The following DMTN variants were observed in gnomAD, a reference collection of about 807,000 sequenced individuals.
The protein encoded by DMTN is dematin actin binding protein, also known as dematin.
A neutral mutation model predicts 59.4 loss-of-function variants in DMTN; 27 were observed. The observed-to-expected ratio is 0.45, with a 90% CI of 0.33 to 0.63. The LOEUF is 0.63. Ranked by LOEUF, DMTN falls within the 20% of genes least tolerant of loss-of-function variation. The pLI, the probability that DMTN is intolerant of heterozygous loss-of-function variation, is 0.02. For missense variants in DMTN, 451 were observed against 528.9 expected (o/e 0.85, Z 1.45); for synonymous variants, 221 against 203.7 (o/e 1.08, Z -0.72).
intron 10 of DMTN, among the ~76,000 whole-genome samples, chr8:22,078,432 C>T (rs1215028791): frequency 2.0e-5 from 3 of 148,540 alleles, no homozygotes; most frequent in Non-Finnish European, 4.5e-5. Flanking sequence ...TGAATATATA[C>T]ATATATATGT....
chr8:22,049,035 C>A (rs1204331208), upstream of DMTN: 1 of 148,434 alleles, frequency 6.7e-6, no homozygotes, highest in Non-Finnish European at 1.5e-5. Context: ...GCGGCCCGTG[C>A]TACCTGTTGG....
rs1804334617 is a variant in DMTN, at chr8:22,058,980, C to T, written c.-172+1844C>T. 6.6e-6 allele frequency among the ~76,000 whole-genome samples: 1 copy of T among 152,174 alleles called. No homozygotes were observed. The highest frequency in any genetic ancestry group is 2.4e-5 in the African/African-American group (1 of 41,434). ...CCACATCACACGCATGCACAGCACC[C>T]ATGGGAGCGCCTGGCCCCTGCCCTG... On this transcript the variant is annotated intron_variant, in intron 1 of 15. Coordinates refer to ENST00000358242, the MANE Select transcript of DMTN (RefSeq NM_001387751.1). This position sits in a 1 kb window ranked among gnomAD's most constrained non-coding sequence, Gnocchi z 4.3.
At chr8:22,069,571 A>T in intron 6 of DMTN, 53 bp downstream of exon 6, 3 of 1,454,804 alleles carry the variant, frequency 2.1e-6, no homozygotes, top group South Asian at 2.6e-5. Flanking sequence ...TCCATCAGGA[A>T]CCCCAATCCC....
rs7001965 is a variant in DMTN, at chr8:22,080,070, G to C, written c.836-110G>C. ...AGAAGCCCACCAGGTTCCCCCCAGC[G>C]TGATCCCTTCCTGCCCTGCCCCAGC... On this transcript the variant is annotated intron_variant, in intron 10 of 15. Transcript: ENST00000358242. 12 of 1,279,320 alleles carry C rather than the reference G, an allele frequency of 9.4e-6. No homozygotes were observed. In the African/African-American group the frequency reaches 1.3e-4, roughly 14 times the overall value. The allele number at this position is 1,279,320 out of a possible 1,614,324, so 79.2% of individuals were successfully genotyped here.
At position 22,060,116 on chromosome 8, in the gene DMTN, C is replaced by G. The variant is rs1436827429; in HGVS notation, c.-172+2980C>G. Among the ~76,000 whole-genome samples the G allele has an allele frequency of 6.6e-6, 1 of 152,172 alleles. No homozygotes were observed. The highest frequency in any genetic ancestry group is 1.5e-5 in the Non-Finnish European group (1 of 68,026). ...GGCAGCTGAGCTGTCCCTTCCGTCACCTGGACCTGCCTTCCTCTGTGGTGC... is the reference window on the plus strand; with the variant it reads ...GGCAGCTGAGCTGTCCCTTCCGTCAGCTGGACCTGCCTTCCTCTGTGGTGC... On this transcript the variant is annotated intron_variant, in intron 1 of 15. Coordinates refer to ENST00000358242, the MANE Select transcript of DMTN (RefSeq NM_001387751.1). This position sits in a 1 kb window ranked among gnomAD's most constrained non-coding sequence, Gnocchi z 5.0.
At position 22,069,508 on chromosome 8, in the gene DMTN, C is replaced by T. The variant is rs141336563; in HGVS notation, c.384C>T (p.Phe128=). ...TGTPRTSLPH[F]HHPETSRPDS... is the part of the protein sequence containing the mutation. ...CCCCCCGGACCAGCCTGCCCCATTT[C>T]CACCACCCTGGTAGGTCTTCTCGGC... The change falls in exon 6 of 16, where the codon TTC becomes TTT. Residue 128 remains phenylalanine (F), a synonymous_variant. Transcript: ENST00000358242. The T allele has an allele frequency of 1.9e-6, 3 of 1,598,192 alleles. No homozygotes were observed. The highest frequency in any genetic ancestry group is 1.4e-5 in the African/African-American group (1 of 73,956).
chr8:22,073,890 C>T, intron 10 of DMTN, 55 bp downstream of exon 10: 1 of 1,445,532 alleles, frequency 6.9e-7, no homozygotes, highest in Non-Finnish European at 9.7e-7. Flanking sequence ...AGGCCTGACT[C>T]TGTGCATCTG....
At position 22,080,821 on chromosome 8, in the gene DMTN, G is replaced by A. The variant is rs377270683; in HGVS notation, c.974G>A (p.Arg325Lys). The A allele has an allele frequency of 6.2e-6, 10 of 1,601,988 alleles. No individual in the cohort carries two copies. The African/African-American group carries it at 9.4e-5, about 15-fold the overall frequency. The change falls in exon 14 of 16, where the codon AGG becomes AAG. Residue 325 changes from arginine (R) to lysine (K), a missense_variant. Physicochemically the swap from Arg to Lys is conservative, Grantham distance 26 (BLOSUM62 2). Transcript: ENST00000358242. ...SPGLQNGEGQ[R>K]GRMDRGNSLP... ...TCTCCCCAGAACGGAGAGGGCCAGA[G>A]GGGGAGGATGGACCGGGGGAACTCC...
Position 22,058,495 on chromosome 8 carries a change from A to G in DMTN, c.-172+1359A>G, listed in dbSNP as rs1803985556. Among the ~76,000 whole-genome samples, 2 of 152,124 alleles carry G rather than the reference A, an allele frequency of 1.3e-5. No homozygotes were observed. The highest frequency in any genetic ancestry group is 6.5e-5 in the Admixed American group (1 of 15,282). ...GGGTCTCTTCAGAGGGTGGGTGGAGAGGGCACATAGAAACCAAACCAGAGA... is the reference window on the plus strand; with the variant it reads ...GGGTCTCTTCAGAGGGTGGGTGGAGGGGGCACATAGAAACCAAACCAGAGA... On this transcript the variant is annotated intron_variant, in intron 1 of 15. Transcript: ENST00000358242. This position sits in a 1 kb window ranked among gnomAD's most constrained non-coding sequence, Gnocchi z 4.3.
In DMTN at chr8:22,066,822, C is replaced by T. The variant is rs932362220; in HGVS notation, c.-54C>T. On this transcript the variant is annotated 5_prime_UTR_variant, in exon 2 of 16. Coordinates refer to ENST00000358242, the MANE Select transcript of DMTN (RefSeq NM_001387751.1). ...CGCGCCGAGCCTGACACGCTGTCCT[C>T]TCCCCTCGCGCACAGGGCTCTGCGA... The T allele has an allele frequency of 1.6e-5, 23 of 1,423,740 alleles. No individual in the cohort carries two copies. Among genetic ancestry groups the T allele is most frequent in the African/African-American group, 3.0e-5 (2 of 67,138 alleles). 88.2% of individuals were successfully genotyped at this position (1,423,740 alleles called of 1,614,324 possible). A position where few individuals can be genotyped will look rare whatever the true frequency, so the allele number is the denominator to read the frequency against.
chr8:22,063,985 A>G (rs1401171325), intron 1 of DMTN, among the ~76,000 whole-genome samples: 1 of 152,192 alleles, frequency 6.6e-6, no homozygotes, highest in African/African-American at 2.4e-5. Flanking sequence ...CTCAGAAAGT[A>G]TTTGTTGAAT....
chr8:22,069,579 C>A, intron 6 of DMTN, 61 bp downstream of exon 6: 1 of 1,396,722 alleles, frequency 7.2e-7, no homozygotes, highest in Non-Finnish European at 9.9e-7. Context: ...GAACCCCAAT[C>A]CCCTTACGCT....
intron 10 of DMTN, among the ~76,000 whole-genome samples, chr8:22,075,516 A>ATTT (rs386412281): frequency 0.8 from 69,985 of 87,058 alleles, 29,141 homozygotes; most frequent in East Asian, 0.96. Flanking sequence ...GCCCAGCTAA[A>ATTT]TTTTTTTTTT....
chr8:22,077,629 CTTTAACTTCCAT>C (rs1400474967), intron 10 of DMTN, among the ~76,000 whole-genome samples: 2 of 152,188 alleles, frequency 1.3e-5, no homozygotes, highest in Non-Finnish European at 2.9e-5. Flanking sequence ...CAGATTAGCT[CTTTAACTTCCAT>C]TTTGGCCTCG....
chr8:22,067,725 C>T (rs1029250496), intron 4 of DMTN, 43 bp downstream of exon 4: 13 of 1,604,678 alleles, frequency 8.1e-6, no homozygotes, highest in Middle Eastern at 1.7e-4. Context: ...GGAGGCCCCC[C>T]CCAGCCACAC....
At chr8:22,057,332 G>T (rs891274044) in intron 1 of DMTN, among the ~76,000 whole-genome samples, 196 bp downstream of exon 1, 3 of 152,148 alleles carry the variant, frequency 2.0e-5, no homozygotes, top group Non-Finnish European at 1.5e-5. Flanking sequence ...GGGGAAGAGG[G>T]CCTGGGGTGT....
At chr8:22,080,953 T>C in intron 14 of DMTN, 83 bp downstream of exon 14, 1 of 1,509,538 alleles carries the variant, frequency 6.6e-7, no homozygotes, top group South Asian at 1.3e-5. Flanking sequence ...TGCGGGGTCT[T>C]CCTGGTGTTG....
chr8:22,079,533 G>A (rs1822729715), intron 10 of DMTN, among the ~76,000 whole-genome samples: 2 of 152,106 alleles, frequency 1.3e-5, no homozygotes, highest in South Asian at 2.1e-4. Flanking sequence ...TACTTGGGAG[G>A]CAAAGGCAGG....
chr8:22,069,102 G>T (rs754888361), intron 5 of DMTN, 42 bp downstream of exon 5: 8 of 1,596,622 alleles, frequency 5.0e-6, no homozygotes, highest in Non-Finnish European at 6.8e-6. Context: ...GCCCTGCCCT[G>T]AAGGGGATCC....
Sources: gnomAD v4.1 joint callset for allele counts (sites outside exome capture counted in the v4.1 genomes callset) on GRCh38, gnomAD v4.1.1 for gene constraint, Gnocchi (gnomAD v3.1) non-coding constraint, MANE v1.5 for transcripts, NCBI Gene and HGNC (gene_info 2026-07-23, HGNC 2026-07-21) for gene names.